Variants in LUZP1 observed in about 807,000 individuals in gnomAD.
LUZP1 encodes filamin mechanobinding actin cross-linking protein.
Under a neutral mutation model 71.3 loss-of-function variants are expected in LUZP1, and 25 were observed. The ratio of observed to expected loss-of-function variants is 0.35; its 90% CI spans 0.26 to 0.49. LUZP1 has a LOEUF of 0.49. Ranked by LOEUF, LUZP1 falls within the 20% of genes least tolerant of loss-of-function variation. The pLI, the probability that LUZP1 is intolerant of heterozygous loss-of-function variation, is 0.99. For missense variants in LUZP1, 1,142 were observed against 1,300.8 expected, an observed-to-expected ratio of 0.88 and a Z score of 1.88; for synonymous variants, 481 against 506.4, an observed-to-expected ratio of 0.95 and a Z score of 0.67.
At chr1:23,145,046 T>A (rs1051868852) in intron 2 of LUZP1, among the ~76,000 whole-genome samples, 19 of 151,886 alleles carry the variant, frequency 1.3e-4, no homozygotes, top group African/African-American at 4.6e-4. Context: ...CAGGCACATG[T>A]CACCACGCCC....
At chr1:23,142,917 G>A (rs1233071227) in intron 2 of LUZP1, among the ~76,000 whole-genome samples, 1 of 152,062 alleles carries the variant, frequency 6.6e-6, no homozygotes, top group Non-Finnish European at 1.5e-5. Flanking sequence ...TATAATCCTG[G>A]CACTTTGGGA....
chr1:23,118,611 G>A (rs1164236454), intron 2 of LUZP1, among the ~76,000 whole-genome samples: 1 of 152,124 alleles, frequency 6.6e-6, no homozygotes, highest in African/African-American at 2.4e-5. Flanking sequence ...AATAAAACAT[G>A]GTTATTGTCA....
intron 2 of LUZP1, among the ~76,000 whole-genome samples, chr1:23,163,295 C>T (rs1644484002): frequency 6.6e-6 from 1 of 150,470 alleles, no homozygotes; most frequent in Non-Finnish European, 1.5e-5. Context: ...GCTTGTAATC[C>T]CAACACTCTG....
intron 2 of LUZP1, among the ~76,000 whole-genome samples, chr1:23,133,148 C>T (rs1333155429): frequency 6.6e-6 from 1 of 152,212 alleles, no homozygotes; most frequent in Non-Finnish European, 1.5e-5. Context: ...AATCTTTCAG[C>T]CTTATCCTCC....
At chr1:23,099,469 T>C (rs1643914969) in intron 3 of LUZP1, among the ~76,000 whole-genome samples, 1 of 68,248 alleles carries the variant, frequency 1.5e-5, no homozygotes, top group Non-Finnish European at 4.3e-5. Context: ...TCAATAAAGC[T>C]GTTAAAGAAA....
chr1:23,166,421 G>A (rs1469977769), intron 2 of LUZP1, among the ~76,000 whole-genome samples: 2 of 152,056 alleles, frequency 1.3e-5, no homozygotes, highest in African/African-American at 2.4e-5. Context: ...TTGGGAGGCC[G>A]AGGCGGGCAG....
intron 4 of LUZP1, chr1:23,090,731 TCTG>T (rs1207005400): frequency 9.3e-6 from 6 of 642,120 alleles, no homozygotes; most frequent in Non-Finnish European, 1.7e-5. Context: ...CCTGTGAAGA[TCTG>T]CTAACTGAGG....
chr1:23,127,858 C>T (rs962175349), intron 2 of LUZP1, among the ~76,000 whole-genome samples: 1 of 150,476 alleles, frequency 6.6e-6, no homozygotes, highest in African/African-American at 2.4e-5. Context: ...AGTGGCCGGG[C>T]GTGGTGGCTC....
chr1:23,155,982 A>G (rs1011330656), intron 2 of LUZP1, among the ~76,000 whole-genome samples: 1 of 152,234 alleles, frequency 6.6e-6, no homozygotes, highest in South Asian at 2.1e-4. Context: ...ACTTGAAACT[A>G]GATAAAAACA....
rs565975675 is a variant in LUZP1, at chr1:23,084,086, T to G, written c.*4809A>C. On this transcript the variant is annotated 3_prime_UTR_variant, in exon 5 of 5. Transcript: ENST00000302291. ...TCCCTCCATGGGTATGTGCTAAAACTTCCCAATTCTACTAAAGGTGGTGGT... is the reference window on the plus strand; with the variant it reads ...TCCCTCCATGGGTATGTGCTAAAACGTCCCAATTCTACTAAAGGTGGTGGT... The G allele has an allele frequency of 4.6e-5, 7 of 152,316 alleles. No homozygotes were observed. In the East Asian group the frequency reaches 7.7e-4, roughly 17 times the overall value. The allele number at this position is 152,316 out of a possible 1,614,324, so 9.4% of individuals were successfully genotyped here.
intron 2 of LUZP1, among the ~76,000 whole-genome samples, chr1:23,143,676 A>T (rs913690034): frequency 6.6e-6 from 1 of 152,246 alleles, no homozygotes; most frequent in African/African-American, 2.4e-5. Context: ...AAGTATTAAT[A>T]TCCCAATTTT....
chr1:23,134,504 T>A (rs1482565316), intron 2 of LUZP1, among the ~76,000 whole-genome samples: 1 of 151,080 alleles, frequency 6.6e-6, no homozygotes, highest in Non-Finnish European at 1.5e-5. Flanking sequence ...CAAGGCCAGG[T>A]GTGGTGACTT....
At chr1:23,171,359 G>A (rs533778) in intron 1 of LUZP1, among the ~76,000 whole-genome samples, 29,437 of 152,196 alleles carry the variant, frequency 0.19, 3,136 homozygotes, top group Middle Eastern at 0.31. Flanking sequence ...CACATCTGAT[G>A]ATGCCCCAGG....
chr1:23,098,662 T>C (rs934549491), intron 3 of LUZP1, among the ~76,000 whole-genome samples: 2 of 151,818 alleles, frequency 1.3e-5, no homozygotes, highest in African/African-American at 4.8e-5. Context: ...AACGATAGAG[T>C]ATTAGGTGAT....
At position 23,094,394 on chromosome 1, in the gene LUZP1, G is replaced by A. The variant is rs1273127119; in HGVS notation, c.-119-14C>T. 1.4e-6 allele frequency: 2 copies of A among 1,432,242 alleles called. No individual in the cohort carries two copies. The highest frequency in any genetic ancestry group is 2.5e-5 in the East Asian group (1 of 39,838). The allele number at this position is 1,432,242 out of a possible 1,614,324, so 88.7% of individuals were successfully genotyped here. ...ACCATCATCAATCTACAAAAGGAAA[G>A]TAGAAAGCATGTCAGTCAGCAAATG... On this transcript the variant is annotated splice_polypyrimidine_tract_variant and intron_variant, in intron 3 of 4. Coordinates refer to ENST00000302291, the Ensembl canonical transcript of LUZP1. This position sits in a 1 kb window ranked among gnomAD's most constrained non-coding sequence, Gnocchi z 4.7.
chr1:23,092,240 T>C (rs761102869), exon 4 of LUZP1: 4 of 1,613,958 alleles, frequency 2.5e-6, no homozygotes, highest in Admixed American at 1.7e-5. Context: ...TGGTTGTATT[T>C]ACCAACTTGG....
At chr1:23,092,659 A>T in exon 4 of LUZP1, 1 of 1,614,162 alleles carries the variant, frequency 6.2e-7, no homozygotes, top group Non-Finnish European at 8.5e-7. Context: ...ACAGTCTCAG[A>T]GGAGGTGTCA....
intron 2 of LUZP1, among the ~76,000 whole-genome samples, chr1:23,125,719 C>T (rs939955637): frequency 1.3e-5 from 2 of 152,302 alleles, no homozygotes; most frequent in African/African-American, 4.8e-5. Context: ...CACATCTTAA[C>T]ATGGAGGACA....
intron 2 of LUZP1, among the ~76,000 whole-genome samples, chr1:23,164,450 C>T (rs1186696882): frequency 5.3e-5 from 8 of 151,928 alleles, no homozygotes; most frequent in Middle Eastern, 3.4e-3. Flanking sequence ...CAAGATCACA[C>T]CACTGCACTT....
Sources: gnomAD v4.1 joint callset for allele counts (sites outside exome capture counted in the v4.1 genomes callset) on GRCh38, gnomAD v4.1.1 for gene constraint, Gnocchi (gnomAD v3.1) non-coding constraint, MANE v1.5 for transcripts, NCBI Gene and HGNC (gene_info 2026-07-23, HGNC 2026-07-21) for gene names.